Variants in ITPR1 observed in about 807,000 individuals in gnomAD.
ITPR1 encodes inositol 1,4,5-trisphosphate-gated calcium channel ITPR1.
In ITPR1, 96 loss-of-function variants were observed where a neutral mutation model predicts 318.4. That is an observed-to-expected ratio of 0.30 (90% CI 0.26 to 0.36). The LOEUF (loss-of-function observed/expected upper bound fraction) is 0.36, where lower values mean the gene tolerates loss of function less well. Ranked by LOEUF, ITPR1 falls within the 10% of genes least tolerant of loss-of-function variation. The pLI is 1.00. For missense variants in ITPR1, 2,440 were observed against 3,460.2 expected (o/e 0.71, Z 7.40); for synonymous variants, 1,312 against 1,289.9 (o/e 1.02, Z -0.37).
rs2083900621 is a variant in ITPR1, at chr3:4,536,655, A to G, written c.163+15561A>G. Among the ~76,000 whole-genome samples the G allele has an allele frequency of 3.3e-5, 5 of 152,190 alleles. No individual in the cohort carries two copies. In the South Asian group the frequency reaches 1.0e-3, roughly 32 times the overall value. ...TAGTCCCCTGATGTTCATTGTTTTT[A>G]TCTATGCCATCAGATCACTGTGCCC... On this transcript the variant is annotated intron_variant, in intron 4 of 61. Transcript: ENST00000649015.
intron 4 of ITPR1, among the ~76,000 whole-genome samples, chr3:4,548,376 C>T (rs767418726): frequency 3.3e-5 from 5 of 152,090 alleles, no homozygotes; most frequent in African/African-American, 1.2e-4. Context: ...AAGGGGTGTG[C>T]GTGTGTGTGA....
intron 2 of ITPR1, among the ~76,000 whole-genome samples, chr3:4,510,257 G>C (rs1040515068): frequency 6.6e-6 from 1 of 152,206 alleles, no homozygotes. Context: ...GGAGTATGGA[G>C]AGCAGGGCTC....
chr3:4,776,359 C>T (rs1235141624), intron 47 of ITPR1, among the ~76,000 whole-genome samples: 4 of 152,146 alleles, frequency 2.6e-5, no homozygotes, highest in African/African-American at 9.7e-5. Context: ...CTTGAGCCAC[C>T]GCGCCCAGCC....
chr3:4,562,087 TTAAATAAA>T (rs35311121), intron 4 of ITPR1, among the ~76,000 whole-genome samples: 6 of 148,906 alleles, frequency 4.0e-5, no homozygotes, highest in Admixed American at 6.7e-5. Context: ...GCTTATGAGC[TTAAATAAA>T]TAAATAAATA....
At chr3:4,682,472 A>G (rs1215431683) in intron 26 of ITPR1, among the ~76,000 whole-genome samples, 1 of 152,208 alleles carries the variant, frequency 6.6e-6, no homozygotes, top group Non-Finnish European at 1.5e-5. Context: ...GGGACTACAT[A>G]AGGGTTTGAA....
intron 4 of ITPR1, among the ~76,000 whole-genome samples, chr3:4,596,539 A>G (rs1360376706): frequency 6.6e-6 from 1 of 152,248 alleles, no homozygotes; most frequent in African/African-American, 2.4e-5. Context: ...TGGTGGTCAC[A>G]GATGGGTTTT....
At chr3:4,503,712 C>G (rs2081200548) in intron 2 of ITPR1, among the ~76,000 whole-genome samples, 1 of 152,114 alleles carries the variant, frequency 6.6e-6, no homozygotes, top group African/African-American at 2.4e-5. Flanking sequence ...GCAACGGAGA[C>G]CTCTCTGCCC....
At chr3:4,659,361 A>C (rs2093782931) in intron 13 of ITPR1, among the ~76,000 whole-genome samples, 1 of 152,208 alleles carries the variant, frequency 6.6e-6, no homozygotes, top group African/African-American at 2.4e-5. Flanking sequence ...AAGCGAATGA[A>C]TATCAGTTGT....
At chr3:4,812,662 AGCCTTTGT>A (rs898245882) in intron 56 of ITPR1, among the ~76,000 whole-genome samples, 4 of 152,304 alleles carry the variant, frequency 2.6e-5, no homozygotes, top group Admixed American at 2.6e-4. Context: ...TGAGCCAGCC[AGCCTTTGT>A]GCTCTCCCTC....
At chr3:4,505,346 C>A (rs1377093577) in intron 2 of ITPR1, among the ~76,000 whole-genome samples, 1 of 152,158 alleles carries the variant, frequency 6.6e-6, no homozygotes, top group Non-Finnish European at 1.5e-5. Flanking sequence ...GCACAAGCCA[C>A]CACGCCTGGC....
rs748274420 is a variant in ITPR1 at position 4,673,271 on chromosome 3, G to T, written c.2340G>T (p.Ala780=). 6.2e-7 allele frequency: 1 copy of T among 1,613,766 alleles called. No individual in the cohort carries two copies. The highest frequency in any genetic ancestry group is 1.3e-5 in the African/African-American group (1 of 74,900). ...AGAACCTGCCCTATGACCTCAGGGC[G>T]TCCTTCTGCCGCCTCATGCTTCACA... ...SDENLPYDLR[A]SFCRLMLHMH... The change falls in exon 21 of 62, where the codon GCG becomes GCT. Residue 780 remains alanine, a synonymous_variant. Transcript: ENST00000649015.
Position 4,643,008 on chromosome 3 carries a change from T to A in ITPR1, c.525+757T>A, listed in dbSNP as rs181175079. ...ACCAGCCTTAACTTTAAAACTGGTTTTGACACTTTTTAATAGTGCCATTTA... is the reference window on the plus strand; with the variant it reads ...ACCAGCCTTAACTTTAAAACTGGTTATGACACTTTTTAATAGTGCCATTTA... On this transcript the variant is annotated intron_variant, in intron 7 of 61. Coordinates refer to ENST00000649015, the MANE Select transcript of ITPR1 (RefSeq NM_001378452.1). Among the ~76,000 whole-genome samples, 136 of 152,364 alleles carry A rather than the reference T, an allele frequency of 8.9e-4. 1 individual carries two copies. Among genetic ancestry groups the A allele is most frequent in the African/African-American group, 3.1e-3 (128 of 41,578 alleles).
Position 4,585,727 on chromosome 3 carries a change from G to A in ITPR1, c.164-42036G>A, listed in dbSNP as rs904334148. Among the ~76,000 whole-genome samples, 18 of 151,946 alleles carry A rather than the reference G, an allele frequency of 1.2e-4. 1 individual carries two copies. The highest frequency in any genetic ancestry group is 3.4e-3 in the Middle Eastern group (1 of 290). On this transcript the variant is annotated intron_variant, in intron 4 of 61. Transcript: ENST00000649015. ...GCTAGGATTACAGGCATGAGCCACC[G>A]CACCCAGCCTAACATGCACTTTTTT... is the stretch of plus-strand genomic sequence containing the variant.
At chr3:4,605,549 C>T (rs1440398908) in intron 4 of ITPR1, among the ~76,000 whole-genome samples, 1 of 152,094 alleles carries the variant, frequency 6.6e-6, no homozygotes, top group African/African-American at 2.4e-5. Context: ...GAAATACGGG[C>T]ATGATATATG....
At chr3:4,742,421 C>T (rs1210274200) in intron 44 of ITPR1, among the ~76,000 whole-genome samples, 1 of 151,926 alleles carries the variant, frequency 6.6e-6, no homozygotes, top group Non-Finnish European at 1.5e-5. Context: ...GGGCTCAAGC[C>T]CTGCCTCCTA....
intron 4 of ITPR1, among the ~76,000 whole-genome samples, chr3:4,625,469 A>G (rs1161721872): frequency 6.6e-6 from 1 of 152,218 alleles, no homozygotes; most frequent in Non-Finnish European, 1.5e-5. Flanking sequence ...ATAAATGTAC[A>G]GTTAGTAACT....
At chr3:4,775,818 G>A (rs774781620) in intron 47 of ITPR1, among the ~76,000 whole-genome samples, 14 of 152,194 alleles carry the variant, frequency 9.2e-5, no homozygotes, top group African/African-American at 1.4e-4. Context: ...CTGGAAGGGG[G>A]TTTAAGCCTA....
intron 13 of ITPR1, among the ~76,000 whole-genome samples, chr3:4,659,181 A>T (rs776207835): frequency 1.3e-5 from 2 of 152,204 alleles, no homozygotes; most frequent in Non-Finnish European, 2.9e-5. Context: ...CCCCTCGTGA[A>T]GTATTAGTTG....
Position 4,646,992 on chromosome 3 carries a change from C to T in ITPR1, c.855+1264C>T, listed in dbSNP as rs893225349. Among the ~76,000 whole-genome samples, 18 of 152,122 alleles carry T rather than the reference C, an allele frequency of 1.2e-4. 1 individual carries two copies. Among genetic ancestry groups the T allele is most frequent in the East Asian group, 1.9e-4 (1 of 5,180 alleles). ...ACAACTCAATGAATTTTTACGTATA[C>T]GTTCAGCCATGTAACCAGCACCTAG... is the stretch of plus-strand genomic sequence containing the variant. On this transcript the variant is annotated intron_variant, in intron 10 of 61. Coordinates refer to ENST00000649015, the MANE Select transcript of ITPR1 (RefSeq NM_001378452.1).
Sources: allele counts gnomAD v4.1 joint callset (sites outside exome capture counted in the v4.1 genomes callset), GRCh38; gene constraint gnomAD v4.1.1; transcripts MANE v1.5; gene names NCBI Gene and HGNC (gene_info 2026-07-23, HGNC 2026-07-21).